Variants in GALNT9 observed in about 807,000 individuals in gnomAD.
GALNT9 encodes the protein polypeptide N-acetylgalactosaminyltransferase 9.
GALNT9 carries 47 observed loss-of-function variants against 63.1 expected under a neutral mutation model. The observed-to-expected ratio is 0.75, with a 90% CI of 0.59 to 0.95. The LOEUF is 0.95. Ranked by LOEUF, GALNT9 falls within the 40% of genes least tolerant of loss-of-function variation. The pLI is 0.00. For synonymous variants in GALNT9, 396 were observed against 365.7 expected (o/e 1.08, Z -0.94); for missense variants, 829 against 874.8 (o/e 0.95, Z 0.66).
At chr12:132,278,830 C>T (rs1555241456) in intron 2 of GALNT9, 1 of 152,272 alleles carries the variant, frequency 6.6e-6, no homozygotes, top group African/African-American at 2.4e-5. Context: ...AGGTCAGGGA[C>T]ATGCAAGCTC....
intron 1 of GALNT9, among the ~76,000 whole-genome samples, chr12:132,308,910 C>T (rs1316282254): frequency 1.3e-5 from 2 of 151,530 alleles, no homozygotes; most frequent in Admixed American, 1.3e-4. Flanking sequence ...ACCCACGGGG[C>T]TCGGGATGGC....
rs1271097993 is a variant in GALNT9 at position 132,246,116 on chromosome 12, AC to A, written c.1077+1793del. Among the ~76,000 whole-genome samples the A allele has an allele frequency of 6.6e-6, 1 of 151,944 alleles. No individual in the cohort carries two copies. The highest frequency in any genetic ancestry group is 2.4e-5 in the African/African-American group (1 of 41,330). On this transcript the variant is annotated intron_variant, in intron 6 of 10. Transcript: ENST00000328957. The surrounding 1 kb of genome is among the most constrained non-coding windows in gnomAD (Gnocchi z 4.7). ...AGGGGAGACGGTGAGAGAAGCCGACACCCGCGTGGGTGCGTTCAATCCACGG... is the reference window on the plus strand; with the variant it reads ...AGGGGAGACGGTGAGAGAAGCCGACACCGCGTGGGTGCGTTCAATCCACGG...
intron 1 of GALNT9, among the ~76,000 whole-genome samples, chr12:132,304,909 G>A (rs868962576): frequency 3.6e-3 from 28 of 7,814 alleles, no homozygotes; most frequent in Admixed American, 5.8e-3. Context: ...GCCCGGACAC[G>A]CCCTCACCGG....
At chr12:132,250,995 C>T (rs1486832389) in intron 5 of GALNT9, among the ~76,000 whole-genome samples, 2 of 152,170 alleles carry the variant, frequency 1.3e-5, no homozygotes, top group Admixed American at 6.5e-5. Flanking sequence ...GCGCGTAAGA[C>T]ACAATCCACG....
chr12:132,309,981 C>T (rs1555245036), intron 1 of GALNT9, among the ~76,000 whole-genome samples: 5 of 152,222 alleles, frequency 3.3e-5, no homozygotes, highest in East Asian at 3.8e-4. Flanking sequence ...GGGTGGCGCC[C>T]GACCAACACC....
At chr12:132,257,944 G>T in intron 4 of GALNT9, 58 bp from the exon 5 acceptor site, 1 of 1,235,862 alleles carries the variant, frequency 8.1e-7, no homozygotes, top group South Asian at 1.4e-5. Flanking sequence ...CCCTGAGGAG[G>T]GTCCACTCGC....
Position 132,329,217 on chromosome 12 carries a change from GC to G in GALNT9, c.-15del, listed in dbSNP as rs1360203874. The G allele has an allele frequency of 5.2e-6, 8 of 1,537,640 alleles. No homozygotes were observed. Among genetic ancestry groups the G allele is most frequent in the Admixed American group, 2.0e-5 (1 of 50,692 alleles). On this transcript the variant is annotated 5_prime_UTR_variant, in exon 1 of 11. Coordinates refer to ENST00000328957, the MANE Select transcript of GALNT9 (RefSeq NM_001122636.2). The stretch of plus-strand genomic sequence containing the variant: ...GGCCACCGCCATGAACACGGCTGCA[GC>G]GGGGGCCTCACCCGCGGGGCATCCC...
chr12:132,247,603 ACAC>A (rs1555238090), intron 6 of GALNT9: 1 of 554,376 alleles, frequency 1.8e-6, no homozygotes, highest in African/African-American at 1.9e-5. Context: ...CTGTCCCCGG[ACAC>A]TGCAGCCACA....
At chr12:132,215,364 G>C (rs377352940) in intron 6 of GALNT9, among the ~76,000 whole-genome samples, 1 of 152,250 alleles carries the variant, frequency 6.6e-6, no homozygotes. Flanking sequence ...AGGCCAGGAC[G>C]CGGCGCCCGG....
chr12:132,303,584 C>G (rs1358133516), intron 1 of GALNT9, among the ~76,000 whole-genome samples: 74 of 131,056 alleles, frequency 5.6e-4, no homozygotes, highest in South Asian at 1.0e-3. Flanking sequence ...CGGGCACACC[C>G]TCGCCCGGGC....
intron 6 of GALNT9, among the ~76,000 whole-genome samples, chr12:132,218,378 G>A (rs1432102531): frequency 2.6e-5 from 4 of 152,212 alleles, no homozygotes; most frequent in Non-Finnish European, 4.4e-5. Flanking sequence ...AACCCAAGAG[G>A]TACCTAGTCA....
Position 132,267,822 on chromosome 12 carries a change from C to T in GALNT9, c.420-5197G>A, listed in dbSNP as rs371255283. 7.8e-3 allele frequency among the ~76,000 whole-genome samples: 1,165 copies of T among 150,234 alleles called. 35 individuals are homozygous for T. Among genetic ancestry groups the T allele is most frequent in the African/African-American group, 0.028 (1,117 of 40,558 alleles). On this transcript the variant is annotated intron_variant, in intron 2 of 10. Coordinates refer to ENST00000328957, the MANE Select transcript of GALNT9 (RefSeq NM_001122636.2). Reference sequence around the variant, plus strand: ...ACACGCACTCACACACGCACTCACACATGCAGTCACACACATGCATACAAC... The same window carrying T: ...ACACGCACTCACACACGCACTCACATATGCAGTCACACACATGCATACAAC...
At chr12:132,304,443 ACACCCTCGCCCGGGCACAGCCTC>A in intron 1 of GALNT9, among the ~76,000 whole-genome samples, 1 of 46,868 alleles carries the variant, frequency 2.1e-5, no homozygotes, top group Non-Finnish European at 4.2e-5. Context: ...TCGCCCGGGC[ACACCCTCGCCCGGGCACAGCCTC>A]GCCCGGGCAC....
In GALNT9 at chr12:132,203,515, A is replaced by G; in HGVS notation, c.1253T>C (p.Ile418Thr). Residue 418 changes from isoleucine to threonine, a missense_variant, in exon 7 of 11, where the codon ATC becomes ACC. Physicochemically the swap from Ile to Thr is moderately conservative, Grantham distance 89. Coordinates refer to ENST00000328957, the MANE Select transcript of GALNT9 (RefSeq NM_001122636.2). ...FKSHVYMAWN[I>T]PMSNPGVDFG... is the part of the protein sequence containing the mutation. Reference sequence around the variant, plus strand: ...CTGTGGGGGACTCACCGACATGGGGATGTTCCAGGCCATGTACACGTGGGA... The same window carrying G: ...CTGTGGGGGACTCACCGACATGGGGGTGTTCCAGGCCATGTACACGTGGGA... 6.2e-7 allele frequency: 1 copy of G among 1,613,558 alleles called. No homozygotes were observed.
intron 1 of GALNT9, among the ~76,000 whole-genome samples, chr12:132,288,692 G>A (rs1555242438): frequency 6.6e-6 from 1 of 151,306 alleles, no homozygotes; most frequent in Non-Finnish European, 1.5e-5. Flanking sequence ...ATTGGACCCG[G>A]CAGGAGGGTG....
rs373334206 is a variant in GALNT9, at chr12:132,247,902, G to A, written c.1077+8C>T. Reference sequence around the variant, plus strand: ...CACCCTGTCCCTGGACACCGGGGCCGCACTCACCCTCATGCCCAGTTCTAC... The same window carrying A: ...CACCCTGTCCCTGGACACCGGGGCCACACTCACCCTCATGCCCAGTTCTAC... On this transcript the variant is annotated splice_region_variant and intron_variant, in intron 6 of 10. Transcript: ENST00000328957. The A allele has an allele frequency of 2.2e-4, 335 of 1,549,262 alleles. 2 individuals carry two copies. The East Asian group carries it at 6.4e-3, about 30-fold the overall frequency.
intron 2 of GALNT9, among the ~76,000 whole-genome samples, chr12:132,281,775 T>G (rs1339443096): frequency 6.6e-6 from 1 of 152,104 alleles, no homozygotes; most frequent in Non-Finnish European, 1.5e-5. Context: ...GCCCCCACTG[T>G]GCAGCAAGCC....
intron 6 of GALNT9, among the ~76,000 whole-genome samples, chr12:132,213,086 G>A (rs1332721616): frequency 4.9e-5 from 4 of 81,774 alleles, no homozygotes; most frequent in Non-Finnish European, 9.8e-5. Context: ...ACCTCGACAC[G>A]GAAACCCCAC....
chr12:132,308,081 G>C (rs1244998474), intron 1 of GALNT9, among the ~76,000 whole-genome samples: 3 of 152,210 alleles, frequency 2.0e-5, no homozygotes, highest in Admixed American at 1.3e-4. Context: ...AAAGACACAT[G>C]GAGGGAGATT....
Sources: gnomAD v4.1 joint callset for allele counts (sites outside exome capture counted in the v4.1 genomes callset) on GRCh38, gnomAD v4.1.1 for gene constraint, Gnocchi (gnomAD v3.1) non-coding constraint, MANE v1.5 for transcripts, NCBI Gene and HGNC (gene_info 2026-07-23, HGNC 2026-07-21) for gene names.